ZC3H12C: variants seen among roughly 807,000 people sequenced by gnomAD.
ZC3H12C encodes the protein probable ribonuclease ZC3H12C.
A neutral mutation model predicts 76.3 loss-of-function variants in ZC3H12C; 20 were observed. The observed-to-expected ratio is 0.26, with a 90% CI of 0.18 to 0.38. The LOEUF (loss-of-function observed/expected upper bound fraction) is 0.38, where lower values mean the gene tolerates loss of function less well. Ranked by LOEUF, ZC3H12C falls within the 10% of genes least tolerant of loss-of-function variation. ZC3H12C has a pLI of 1.00. For missense variants in ZC3H12C, 874 were observed against 1,086.5 expected, an observed-to-expected ratio of 0.80 and a Z score of 2.75; for synonymous variants, 352 against 399.6, an observed-to-expected ratio of 0.88 and a Z score of 1.42.
chr11:110,127,198 C>T (rs1861765100), intron 1 of ZC3H12C, among the ~76,000 whole-genome samples: 1 of 152,188 alleles, frequency 6.6e-6, no homozygotes, highest in Non-Finnish European at 1.5e-5. Context: ...TTTGACCCTA[C>T]GACTTTCTGT....
chr11:110,163,501 G>C, intron 5 of ZC3H12C, 122 bp downstream of exon 5: 1 of 686,114 alleles, frequency 1.5e-6, no homozygotes, highest in Non-Finnish European at 2.3e-6. Context: ...TTGGATTCCA[G>C]ATAAATTTCA....
chr11:110,155,985 GAAGAA>G (rs1862370866), intron 3 of ZC3H12C, among the ~76,000 whole-genome samples: 1 of 152,150 alleles, frequency 6.6e-6, no homozygotes, highest in Non-Finnish European at 1.5e-5. Flanking sequence ...AACATGAAGA[GAAGAA>G]GAGAAAATGA....
intron 1 of ZC3H12C, among the ~76,000 whole-genome samples, chr11:110,098,439 T>G (rs1329676364): frequency 1.3e-5 from 2 of 152,030 alleles, no homozygotes; most frequent in Non-Finnish European, 2.9e-5. Context: ...AAAGAAAAAT[T>G]TTTCGATAAA....
intron 2 of ZC3H12C, among the ~76,000 whole-genome samples, chr11:110,146,945 A>G (rs1862182859): frequency 6.6e-6 from 1 of 152,178 alleles, no homozygotes; most frequent in Non-Finnish European, 1.5e-5. Context: ...TCAGTCAGCC[A>G]CTGATGAAAA....
In ZC3H12C at chr11:110,165,012, T is replaced by C. The variant is rs1198160378; in HGVS notation, c.1927T>C (p.Tyr643His). Residue 643 changes from tyrosine (Y) to histidine (H), a missense_variant, in exon 6 of 6, where the codon TAC becomes CAC. Tyr to His is a moderately conservative substitution (Grantham distance 83). Transcript: ENST00000278590. ...SCGSSDSYVG[Y>H]NDRSYVSSPD... ...TGGGAGCAGTGACTCCTACGTGGGT[T>C]ACAATGACCGGTCCTATGTCAGCTC... The C allele has an allele frequency of 7.4e-6, 12 of 1,613,998 alleles. No individual in the cohort carries two copies. Among genetic ancestry groups the C allele is most frequent in the Non-Finnish European group, 1.0e-5 (12 of 1,179,896 alleles).
rs765878427 is a variant in ZC3H12C, at chr11:110,165,159, C to T, written c.2074C>T (p.His692Tyr). The change falls in exon 6 of 6, where the codon CAC (histidine) becomes TAC (tyrosine). Residue 692 changes from histidine to tyrosine, a missense_variant. Physicochemically the swap from His to Tyr is moderately conservative, Grantham distance 83. Transcript: ENST00000278590. Reference protein sequence around the residue: ...DPLTRGQSYSHEEPKFHHKPP... With the variant: ...DPLTRGQSYSYEEPKFHHKPP... ...CTTAACCAGAGGGCAAAGTTACAGT[C>T]ACGAAGAACCAAAGTTCCATCACAA... is the stretch of plus-strand genomic sequence containing the variant. 6.2e-7 allele frequency: 1 copy of T among 1,613,874 alleles called. No individual in the cohort carries two copies. Among genetic ancestry groups the T allele is most frequent in the Non-Finnish European group, 8.5e-7 (1 of 1,179,894 alleles).
intron 1 of ZC3H12C, among the ~76,000 whole-genome samples, chr11:110,098,044 A>G (rs1861145127): frequency 6.6e-6 from 1 of 152,226 alleles, no homozygotes; most frequent in Non-Finnish European, 1.5e-5. Context: ...ACTGTAAAAC[A>G]GCTTCAGGCA....
chr11:110,124,206 G>A (rs958929584), intron 1 of ZC3H12C: 1 of 152,232 alleles, frequency 6.6e-6, no homozygotes, highest in Non-Finnish European at 1.5e-5. Context: ...GTTGGAAGCA[G>A]CCCCAGTGGC....
At chr11:110,101,944 A>G (rs558112378) in intron 1 of ZC3H12C, among the ~76,000 whole-genome samples, 2 of 152,234 alleles carry the variant, frequency 1.3e-5, no homozygotes, top group Admixed American at 1.3e-4. Flanking sequence ...GCTTTACTGA[A>G]CATTTTAAGC....
chr11:110,143,737 T>C (rs1564012), intron 2 of ZC3H12C, among the ~76,000 whole-genome samples: 18,457 of 152,202 alleles, frequency 0.12, 1,482 homozygotes, highest in Non-Finnish European at 0.18. Flanking sequence ...TTGTCCAGGC[T>C]GGTTGAACTC....
chr11:110,153,022 A>C lies in ZC3H12C; in HGVS notation c.877A>C (p.Arg293=), dbSNP rs1159401966. Residue 293 remains arginine (R), a synonymous_variant, in exon 3 of 6, where the codon AGG becomes CGG. Coordinates refer to ENST00000278590, the MANE Select transcript of ZC3H12C (RefSeq NM_033390.2). ...KDITVFVPAW[R]KEQSRPDALI... is the part of the protein sequence containing the mutation. ...CATTACAGTTTTTGTTCCTGCTTGG[A>C]GGAAAGAGCAATCCCGACCTGATGC... 1.2e-6 allele frequency: 2 copies of C among 1,611,898 alleles called. No homozygotes were observed. The highest frequency in any genetic ancestry group is 1.7e-6 in the Non-Finnish European group (2 of 1,179,002).
intron 1 of ZC3H12C, among the ~76,000 whole-genome samples, chr11:110,129,984 A>G (rs1299037168): frequency 6.6e-6 from 1 of 152,194 alleles, no homozygotes; most frequent in Non-Finnish European, 1.5e-5. Context: ...TACTTTATAC[A>G]CTACAAAAAA....
At chr11:110,093,807 G>A (rs1300498474) in intron 1 of ZC3H12C, among the ~76,000 whole-genome samples, 1 of 152,150 alleles carries the variant, frequency 6.6e-6, no homozygotes, top group Non-Finnish European at 1.5e-5. Flanking sequence ...GATGGAAACG[G>A]ACACACTGCG....
chr11:110,151,259 A>G (rs958240903), intron 2 of ZC3H12C, among the ~76,000 whole-genome samples: 1 of 152,176 alleles, frequency 6.6e-6, no homozygotes, highest in Non-Finnish European at 1.5e-5. Flanking sequence ...AGAATTTTCT[A>G]TTTCTAGAGT....
chr11:110,093,473 G>T (rs1288260596), intron 1 of ZC3H12C, 41 bp downstream of exon 1: 2 of 1,192,276 alleles, frequency 1.7e-6, no homozygotes, highest in East Asian at 3.6e-5. Context: ...GGACCGCGGC[G>T]AGAGTGGTCC....
At chr11:110,119,758 G>A (rs916717024) in intron 1 of ZC3H12C, among the ~76,000 whole-genome samples, 10 of 152,294 alleles carry the variant, frequency 6.6e-5, no homozygotes, top group South Asian at 2.1e-4. Flanking sequence ...CATCAGTGGG[G>A]TCTTGTCACT....
chr11:110,107,783 C>G (rs561406728), intron 1 of ZC3H12C, among the ~76,000 whole-genome samples: 1 of 152,288 alleles, frequency 6.6e-6, no homozygotes, highest in African/African-American at 2.4e-5. Flanking sequence ...ACCTTGGCCT[C>G]TCAATAAGTG....
chr11:110,119,902 T>C (rs1305230721), intron 1 of ZC3H12C, among the ~76,000 whole-genome samples: 3 of 152,192 alleles, frequency 2.0e-5, no homozygotes, highest in Non-Finnish European at 4.4e-5. Context: ...GACTATCACA[T>C]TGGATGTTTG....
chr11:110,161,249 G>A (rs1446188833), intron 4 of ZC3H12C, among the ~76,000 whole-genome samples: 1 of 152,152 alleles, frequency 6.6e-6, no homozygotes, highest in African/African-American at 2.4e-5. Context: ...GCATCAGCAT[G>A]ATCACAAACA....
Sources: allele counts gnomAD v4.1 joint callset (sites outside exome capture counted in the v4.1 genomes callset), GRCh38; gene constraint gnomAD v4.1.1; transcripts MANE v1.5; gene names NCBI Gene and HGNC (gene_info 2026-07-23, HGNC 2026-07-21).